The following APLP2 variants were observed in gnomAD, a reference collection of about 807,000 sequenced individuals.
APLP2 encodes the protein CDEI box-binding protein.
A neutral mutation model predicts 89.9 loss-of-function variants in APLP2; 53 were observed. The ratio of observed to expected loss-of-function variants is 0.59; its 90% CI spans 0.47 to 0.74. The LOEUF (loss-of-function observed/expected upper bound fraction) is 0.74. APLP2 is among the 30% of genes least tolerant of loss of function. The pLI, the probability that APLP2 is intolerant of heterozygous loss-of-function variation, is 0.00. For synonymous variants in APLP2, 372 were observed against 348.6 expected (o/e 1.07, Z -0.75); for missense variants, 973 against 975.9 (o/e 1.00, Z 0.04).
intron 1 of APLP2, among the ~76,000 whole-genome samples, chr11:130,100,024 A>G (rs1475769077): frequency 6.6e-6 from 1 of 152,258 alleles, no homozygotes; most frequent in Non-Finnish European, 1.5e-5. Context: ...AAAGCTCCCA[A>G]TGCTTGAAGA....
At chr11:130,133,507 T>A in intron 11 of APLP2, 122 bp from the exon 12 acceptor site, 1 of 692,158 alleles carries the variant, frequency 1.4e-6, no homozygotes, top group East Asian at 2.6e-5. Context: ...TGCTAGACTC[T>A]GTAGAGAATA....
At position 130,141,787 on chromosome 11, in the gene APLP2, A is replaced by T; in HGVS notation, c.1999-132A>T. ...TCTCCACCTGTGGGTGGTTCCCTGC[A>T]AAGCAGGATCTTGGTGCTACTTTGG... is the stretch of plus-strand genomic sequence containing the variant. On this transcript the variant is annotated intron_variant, in intron 15 of 16. Transcript: ENST00000338167. This position sits in a 1 kb window ranked among gnomAD's most constrained non-coding sequence, Gnocchi z 4.2. 1 of 1,160,018 alleles carries T rather than the reference A, an allele frequency of 8.6e-7. No homozygotes were observed. The allele number at this position is 1,160,018 out of a possible 1,614,324, so 71.9% of individuals were successfully genotyped here.
intron 13 of APLP2, among the ~76,000 whole-genome samples, chr11:130,140,042 G>C (rs1952156077): frequency 6.6e-6 from 1 of 152,160 alleles, no homozygotes; most frequent in Admixed American, 6.5e-5. Flanking sequence ...TAGGTGCTCA[G>C]TAATTTCTCC....
At chr11:130,094,047 ATTTTT>A (rs138605738) in intron 1 of APLP2, among the ~76,000 whole-genome samples, 1 of 76,378 alleles carries the variant, frequency 1.3e-5, no homozygotes, top group Non-Finnish European at 2.6e-5. Flanking sequence ...TCCCGGCCGT[ATTTTT>A]TTTTTTTTTT....
chr11:130,135,935 C>G (rs1398319022), intron 13 of APLP2, among the ~76,000 whole-genome samples: 1 of 152,190 alleles, frequency 6.6e-6, no homozygotes, highest in Non-Finnish European at 1.5e-5. Context: ...AAGACTAATT[C>G]TCCCATTTCA....
intron 1 of APLP2, among the ~76,000 whole-genome samples, chr11:130,091,745 C>T (rs1174518269): frequency 2.8e-4 from 40 of 144,274 alleles, no homozygotes; most frequent in African/African-American, 7.7e-4. Context: ...CCCTCCCGGA[C>T]GGCACGGCTG....
intron 16 of APLP2, 92 bp from the exon 17 acceptor site, chr11:130,143,253 CAG>C (rs149278207): frequency 0.05 from 58,988 of 1,171,508 alleles, 1,710 homozygotes; most frequent in East Asian, 0.12. Context: ...ATTTGGTCCT[CAG>C]GGGATTGTGC....
intron 1 of APLP2, among the ~76,000 whole-genome samples, chr11:130,073,923 A>G (rs1461530393): frequency 6.6e-6 from 1 of 152,208 alleles, no homozygotes. Flanking sequence ...AGATTCACCA[A>G]TTGTTAACAT....
chr11:130,132,511 A>G (rs746911285), intron 11 of APLP2, among the ~76,000 whole-genome samples: 13 of 152,168 alleles, frequency 8.5e-5, no homozygotes, highest in Non-Finnish European at 1.8e-4. Flanking sequence ...AGCTACAGCA[A>G]CACACCTCGC....
chr11:130,125,287 G>A (rs1950248025), intron 7 of APLP2, among the ~76,000 whole-genome samples: 1 of 152,266 alleles, frequency 6.6e-6, no homozygotes, highest in Non-Finnish European at 1.5e-5. Flanking sequence ...AGCAGCCTGT[G>A]TTTGCTGTTC....
chr11:130,103,100 T>G (rs1947156614), intron 1 of APLP2, among the ~76,000 whole-genome samples: 1 of 152,242 alleles, frequency 6.6e-6, no homozygotes, highest in Non-Finnish European at 1.5e-5. Context: ...GGAAACAGAT[T>G]GATTTATATG....
At chr11:130,104,100 G>T (rs1565571963) in intron 1 of APLP2, among the ~76,000 whole-genome samples, 1 of 151,716 alleles carries the variant, frequency 6.6e-6, no homozygotes, top group African/African-American at 2.4e-5. Flanking sequence ...ATATCCCTGG[G>T]GTTTCCTTAC....
chr11:130,091,548 C>G (rs1162843368), intron 1 of APLP2, among the ~76,000 whole-genome samples: 7 of 141,284 alleles, frequency 5.0e-5, no homozygotes, highest in African/African-American at 8.1e-5. Context: ...GGGGGCTGAC[C>G]CCCCCACCTC....
chr11:130,113,254 C>G (rs1948799794), intron 3 of APLP2, among the ~76,000 whole-genome samples: 1 of 152,184 alleles, frequency 6.6e-6, no homozygotes, highest in African/African-American at 2.4e-5. Context: ...AGTTGGTACA[C>G]AACAGAAATT....
intron 1 of APLP2, among the ~76,000 whole-genome samples, chr11:130,089,437 T>A (rs889634637): frequency 2.0e-5 from 3 of 152,244 alleles, no homozygotes; most frequent in Non-Finnish European, 4.4e-5. Flanking sequence ...TGCATGCCTC[T>A]GTTACAGCTC....
intron 1 of APLP2, among the ~76,000 whole-genome samples, chr11:130,072,729 G>A (rs1348494581): frequency 6.6e-6 from 1 of 152,100 alleles, no homozygotes; most frequent in African/African-American, 2.4e-5. Flanking sequence ...CACCTGCCTC[G>A]GCCTCCCAAA....
chr11:130,088,759 G>T (rs1944475683), intron 1 of APLP2, among the ~76,000 whole-genome samples: 1 of 151,444 alleles, frequency 6.6e-6, no homozygotes, highest in Admixed American at 6.6e-5. Flanking sequence ...TTTGATATTT[G>T]TTCAGAAATA....
chr11:130,099,317 A>G (rs143359752), intron 1 of APLP2, among the ~76,000 whole-genome samples: 10 of 152,342 alleles, frequency 6.6e-5, no homozygotes, highest in Admixed American at 1.3e-4. Flanking sequence ...AAAAAAGTTA[A>G]TATTGTAGGT....
At chr11:130,131,924 T>C (rs1378462747) in intron 11 of APLP2, among the ~76,000 whole-genome samples, 1 of 152,210 alleles carries the variant, frequency 6.6e-6, no homozygotes, top group Non-Finnish European at 1.5e-5. Flanking sequence ...CTGGCAAAGC[T>C]TACCTTCTGC....
Sources: gnomAD v4.1 joint callset for allele counts (sites outside exome capture counted in the v4.1 genomes callset) on GRCh38, gnomAD v4.1.1 for gene constraint, Gnocchi (gnomAD v3.1) non-coding constraint, MANE v1.5 for transcripts, NCBI Gene and HGNC (gene_info 2026-07-23, HGNC 2026-07-21) for gene names.